SMAD2: variants seen among roughly 807,000 people sequenced by gnomAD.
SMAD2 encodes MAD homolog 2.
A neutral mutation model predicts 64.4 loss-of-function variants in SMAD2; 8 were observed. The ratio of observed to expected loss-of-function variants is 0.12; its 90% CI spans 0.07 to 0.22. SMAD2 has a LOEUF of 0.22. SMAD2 is among the 10% of genes least tolerant of loss of function. The probability of loss-of-function intolerance (pLI) is 1.00; values close to 1 mark genes in which losing one functional copy is unlikely to be tolerated. For missense variants in SMAD2, 289 were observed against 561.2 expected (o/e 0.51, Z 4.90); for synonymous variants, 203 against 195.8 (o/e 1.04, Z -0.31).
chr18:47,907,543 G>A (rs1035961371), intron 1 of SMAD2, among the ~76,000 whole-genome samples: 3 of 152,204 alleles, frequency 2.0e-5, no homozygotes, highest in Admixed American at 2.0e-4. Context: ...CCTTTCTACG[G>A]TGACAAAAGT....
intron 6 of SMAD2, among the ~76,000 whole-genome samples, chr18:47,858,563 A>G (rs2030912990): frequency 6.6e-6 from 1 of 152,228 alleles, no homozygotes; most frequent in Non-Finnish European, 1.5e-5. Context: ...AGCAAAAAAT[A>G]ACACTGAACT....
In SMAD2 at chr18:47,911,903, T is replaced by C. The variant is rs898661640; in HGVS notation, c.-53-15094A>G. Among the ~76,000 whole-genome samples the C allele has an allele frequency of 2.6e-5, 4 of 152,164 alleles. No homozygotes were observed. The South Asian group carries it at 8.3e-4, about 32-fold the overall frequency. ...CCTGGGACTATCAGGCAGCAAAAAG[T>C]GTACTTGGCTACCTTTGGCCCCTGT... On this transcript the variant is annotated intron_variant, in intron 1 of 10. Coordinates refer to ENST00000262160, the MANE Select transcript of SMAD2 (RefSeq NM_005901.6).
chr18:47,906,148 A>C lies in SMAD2; in HGVS notation c.-53-9339T>G, dbSNP rs1226992875. ...AAAAAAAGAAATAGAAAAAGAAAAA[A>C]AAAATACAGGCTGAGCATCACAAAT... On this transcript the variant is annotated intron_variant, in intron 1 of 10. Transcript: ENST00000262160. Among the ~76,000 whole-genome samples, 3 of 152,024 alleles carry C rather than the reference A, an allele frequency of 2.0e-5. No individual in the cohort carries two copies. The East Asian group carries it at 5.8e-4, about 29-fold the overall frequency.
rs1041883488 is a variant in SMAD2 at position 47,832,270 on chromosome 18, C to T, written c.*9557G>A. 1 of 152,204 alleles carries T rather than the reference C, an allele frequency of 6.6e-6. No individual in the cohort carries two copies. The allele number at this position is 152,204 out of a possible 1,614,324, so 9.4% of individuals were successfully genotyped here. A position where few individuals can be genotyped will look rare whatever the true frequency, so the allele number is the denominator to read the frequency against. On this transcript the variant is annotated 3_prime_UTR_variant, in exon 11 of 11. Coordinates refer to ENST00000262160, the MANE Select transcript of SMAD2 (RefSeq NM_005901.6). ...GTCACTACTTCAAGCTAAGCAGTGA[C>T]AGGCAAAGCCAGGCTGAGGTGACAA...
At chr18:47,910,836 AG>A (rs1165972460) in intron 1 of SMAD2, among the ~76,000 whole-genome samples, 2 of 152,206 alleles carry the variant, frequency 1.3e-5, no homozygotes, top group East Asian at 3.8e-4. Flanking sequence ...TCCAGTCAAC[AG>A]TAGGTCGTAA....
intron 1 of SMAD2, among the ~76,000 whole-genome samples, chr18:47,913,016 T>C (rs1230849242): frequency 2.0e-5 from 3 of 151,798 alleles, no homozygotes; most frequent in African/African-American, 7.3e-5. Flanking sequence ...ACCTCCCAGG[T>C]TCAAGCAGTT....
rs555433106 is a variant in SMAD2, at chr18:47,827,322, T to A, written c.*14505A>T. The A allele has an allele frequency of 6.6e-6, 1 of 152,244 alleles. No individual in the cohort carries two copies. The highest frequency in any genetic ancestry group is 1.5e-5 in the Non-Finnish European group (1 of 68,034). 9.4% of individuals were successfully genotyped at this position (152,244 alleles called of 1,614,324 possible). Reference sequence around the variant, plus strand: ...GACAACTAAAGAGACTAAAATCATGTAAATCATCCATTTCCCAGTTGAATC... The same window carrying A: ...GACAACTAAAGAGACTAAAATCATGAAAATCATCCATTTCCCAGTTGAATC... On this transcript the variant is annotated 3_prime_UTR_variant, in exon 11 of 11. Transcript: ENST00000262160.
rs1330734047 is a variant in SMAD2, at chr18:47,835,222, TAAGA to T, written c.*6601_*6604del. On this transcript the variant is annotated 3_prime_UTR_variant, in exon 11 of 11. Coordinates refer to ENST00000262160, the MANE Select transcript of SMAD2 (RefSeq NM_005901.6). ...ACTGAGGTGTGAGGTTACACTGGTCTAAGAAAGTACCAATTTGGGTTCTATATTT... is the reference window on the plus strand; with the variant it reads ...ACTGAGGTGTGAGGTTACACTGGTCTAAGTACCAATTTGGGTTCTATATTT... 2 of 219,740 alleles carry T rather than the reference TAAGA, an allele frequency of 9.1e-6. No individual in the cohort carries two copies. Among genetic ancestry groups the T allele is most frequent in the African/African-American group, 4.5e-5 (2 of 44,566 alleles). The allele number at this position is 219,740 out of a possible 1,614,324, so 13.6% of individuals were successfully genotyped here.
In SMAD2 at chr18:47,841,737, G is replaced by A. The variant is rs2144275251; in HGVS notation, c.*90C>T. The A allele has an allele frequency of 1.3e-6, 2 of 1,485,230 alleles. No homozygotes were observed. The highest frequency in any genetic ancestry group is 1.1e-5 in the South Asian group (1 of 87,160). The allele number at this position is 1,485,230 out of a possible 1,614,324, so 92.0% of individuals were successfully genotyped here. The stretch of plus-strand genomic sequence containing the variant: ...TGCTGTTTTCTCTCTTGAACTTTTG[G>A]ATAGTAAACAGTCCATAGGGACCAC... On this transcript the variant is annotated 3_prime_UTR_variant, in exon 11 of 11. Coordinates refer to ENST00000262160, the MANE Select transcript of SMAD2 (RefSeq NM_005901.6).
In SMAD2 at chr18:47,839,497, A is replaced by C. The variant is rs975204349; in HGVS notation, c.*2330T>G. On this transcript the variant is annotated 3_prime_UTR_variant, in exon 11 of 11. Coordinates refer to ENST00000262160, the MANE Select transcript of SMAD2 (RefSeq NM_005901.6). ...AATTACTGGACAGCACAAAGTCTGG[A>C]AGCAAGCAGCAGGGCACTAAAACAG... 4 of 233,272 alleles carry C rather than the reference A, an allele frequency of 1.7e-5. No individual in the cohort carries two copies. Among genetic ancestry groups the C allele is most frequent in the African/African-American group, 8.8e-5 (4 of 45,346 alleles). The allele number at this position is 233,272 out of a possible 1,614,324, so 14.5% of individuals were successfully genotyped here.
rs1033295426 is a variant in SMAD2, at chr18:47,819,685, A to T, written c.*22142T>A. 1 of 151,560 alleles carries T rather than the reference A, an allele frequency of 6.6e-6. No homozygotes were observed. Among genetic ancestry groups the T allele is most frequent in the Non-Finnish European group, 1.5e-5 (1 of 68,056 alleles). 9.4% of individuals were successfully genotyped at this position (151,560 alleles called of 1,614,324 possible). ...GTGGCGGGCGCCTGTAGTCCCAGCT[A>T]CTCGGGAGGCTGAGGCAGGAGAATG... On this transcript the variant is annotated 3_prime_UTR_variant, in exon 11 of 11. Coordinates refer to ENST00000262160, the MANE Select transcript of SMAD2 (RefSeq NM_005901.6).
chr18:47,856,843 T>C (rs1306250962), intron 6 of SMAD2, among the ~76,000 whole-genome samples: 3 of 150,912 alleles, frequency 2.0e-5, no homozygotes, highest in Non-Finnish European at 4.4e-5. Flanking sequence ...CTATTTTGCC[T>C]AACTATGCTA....
chr18:47,875,908 A>G (rs1190427062), intron 2 of SMAD2, among the ~76,000 whole-genome samples: 2 of 152,082 alleles, frequency 1.3e-5, no homozygotes, highest in Non-Finnish European at 2.9e-5. Flanking sequence ...TGTGGGTTAT[A>G]TAACTGAGTA....
chr18:47,922,935 A>G (rs773036881), intron 1 of SMAD2, among the ~76,000 whole-genome samples: 18 of 151,790 alleles, frequency 1.2e-4, no homozygotes, highest in Middle Eastern at 3.2e-3. Flanking sequence ...AACAGAAAAC[A>G]TTCATGTGTT....
intron 1 of SMAD2, among the ~76,000 whole-genome samples, chr18:47,910,891 A>G (rs960101204): frequency 1.3e-5 from 2 of 152,212 alleles, no homozygotes; most frequent in Non-Finnish European, 2.9e-5. Context: ...TTCACTGTGC[A>G]GGACAGCACC....
intron 2 of SMAD2, among the ~76,000 whole-genome samples, chr18:47,880,179 T>C (rs1161126357): frequency 1.3e-5 from 2 of 152,248 alleles, no homozygotes; most frequent in African/African-American, 4.8e-5. Flanking sequence ...GCAGCTTTCA[T>C]GGTCACTGCT....
intron 5 of SMAD2, among the ~76,000 whole-genome samples, chr18:47,867,657 CAAAA>C (rs530649435): frequency 1.1e-5 from 1 of 94,856 alleles, no homozygotes. Flanking sequence ...AGTTGTTCTC[CAAAA>C]AAAAAAAAAA....
chr18:47,860,709 T>G (rs2031109003), intron 6 of SMAD2, among the ~76,000 whole-genome samples: 1 of 152,032 alleles, frequency 6.6e-6, no homozygotes, highest in Non-Finnish European at 1.5e-5. Context: ...GAAAAAACCC[T>G]ACAGACCAAT....
chr18:47,870,454 G>C (rs375138977), intron 3 of SMAD2, 21 bp downstream of exon 3: 1 of 1,563,526 alleles, frequency 6.4e-7, no homozygotes, highest in Non-Finnish European at 8.8e-7. Flanking sequence ...TCTAAGATTC[G>C]ACAGAGGGCA....
Sources: gnomAD v4.1 joint callset for allele counts (sites outside exome capture counted in the v4.1 genomes callset) on GRCh38, gnomAD v4.1.1 for gene constraint, MANE v1.5 for transcripts, NCBI Gene and HGNC (gene_info 2026-07-23, HGNC 2026-07-21) for gene names.